Variants in SUMF1 observed in about 807,000 individuals in gnomAD.
SUMF1 encodes the protein formylglycine-generating enzyme.
A neutral mutation model predicts 47.6 loss-of-function variants in SUMF1; 48 were observed. The observed-to-expected ratio is 1.01, with a 90% CI of 0.80 to 1.28. SUMF1 has a LOEUF of 1.28. SUMF1 is among the 50% of genes most tolerant of loss of function. The pLI is 0.00. For synonymous variants in SUMF1, 230 were observed against 192.1 expected, an observed-to-expected ratio of 1.20 and a Z score of -1.63; for missense variants, 571 against 485.4, an observed-to-expected ratio of 1.18 and a Z score of -1.66.
chr3:4,212,254 T>C (rs1675670333), intron 8 of SUMF1, among the ~76,000 whole-genome samples: 1 of 152,094 alleles, frequency 6.6e-6, no homozygotes, highest in Non-Finnish European at 1.5e-5. Flanking sequence ...ATCTTTGCTG[T>C]TCTGCAGCCT....
At chr3:4,375,684 G>A (rs1379564214) in intron 8 of SUMF1, among the ~76,000 whole-genome samples, 1 of 152,086 alleles carries the variant, frequency 6.6e-6, no homozygotes, top group Non-Finnish European at 1.5e-5. Context: ...ATAGAAAGCT[G>A]GAGTTCAGGA....
At chr3:4,284,897 C>T (rs921480840) in intron 8 of SUMF1, among the ~76,000 whole-genome samples, 3 of 152,126 alleles carry the variant, frequency 2.0e-5, no homozygotes, top group African/African-American at 7.2e-5. Context: ...AATGTTACTT[C>T]CAATACAAAG....
rs557373859 is a variant in SUMF1 at position 4,181,487 on chromosome 3, T to C, written c.1015-112742A>G. Among the ~76,000 whole-genome samples the C allele has an allele frequency of 2.2e-4, 33 of 152,264 alleles. No homozygotes were observed. The Middle Eastern group carries it at 0.02, about 94-fold the overall frequency. On this transcript the variant is annotated intron_variant and NMD_transcript_variant, in intron 8 of 12. Coordinates refer to the SUMF1 transcript ENST00000448413. ...AAGAGGCTGGACAGAGAGAAAAGGA[T>C]GAAAGAAGATCTGAGCTCTAATCTT...
At chr3:4,408,413 G>A (rs1464922917) in intron 7 of SUMF1, among the ~76,000 whole-genome samples, 13 of 152,086 alleles carry the variant, frequency 8.5e-5, no homozygotes, top group Admixed American at 5.9e-4. Flanking sequence ...ACTATTTTCT[G>A]TACTATTCTG....
At chr3:4,385,036 C>G (rs1700628437) in intron 7 of SUMF1, among the ~76,000 whole-genome samples, 3 of 151,978 alleles carry the variant, frequency 2.0e-5, no homozygotes, top group Non-Finnish European at 4.4e-5. Context: ...CAGGCACGCA[C>G]CACCAGGCCC....
At chr3:4,299,948 C>A (rs1032815833) in intron 8 of SUMF1, among the ~76,000 whole-genome samples, 1 of 152,206 alleles carries the variant, frequency 6.6e-6, no homozygotes, top group Non-Finnish European at 1.5e-5. Flanking sequence ...GCCCCTAACT[C>A]TTACATTTTG....
intron 3 of SUMF1, among the ~76,000 whole-genome samples, chr3:4,435,032 A>T (rs1702351685): frequency 6.6e-6 from 1 of 152,158 alleles, no homozygotes; most frequent in African/African-American, 2.4e-5. Flanking sequence ...GGTTCAAGTG[A>T]TTCTTATGTC....
chr3:4,153,522 G>GTTT (rs66765266), intron 8 of SUMF1, among the ~76,000 whole-genome samples: 208 of 145,540 alleles, frequency 1.4e-3, no homozygotes, highest in South Asian at 0.011. Context: ...CGCCTTGTAG[G>GTTT]TTTTTTTTTT....
chr3:4,462,918 C>T (rs546081556), intron 1 of SUMF1, among the ~76,000 whole-genome samples: 3 of 152,290 alleles, frequency 2.0e-5, no homozygotes, highest in Non-Finnish European at 4.4e-5. Flanking sequence ...TCCTTTAAGC[C>T]TCAGTTGCCT....
chr3:4,329,904 T>A (rs2125127094), intron 8 of SUMF1, among the ~76,000 whole-genome samples: 1 of 152,304 alleles, frequency 6.6e-6, no homozygotes, highest in African/African-American at 2.4e-5. Flanking sequence ...AATACCCAAG[T>A]CACCTCTTGA....
rs959444704 is a variant in SUMF1 at position 4,156,335 on chromosome 3, C to A, written c.1015-87590G>T. ...GCCAACACTCCTGTACTCTTTCTAT[C>A]TCCTACCATGTTTCAACTTTGTAGA... On this transcript the variant is annotated intron_variant and NMD_transcript_variant, in intron 8 of 12. Transcript: ENST00000448413. Among the ~76,000 whole-genome samples the A allele has an allele frequency of 2.0e-5, 3 of 151,620 alleles. 1 individual carries two copies. The highest frequency in any genetic ancestry group is 7.3e-5 in the African/African-American group (3 of 40,930).
intron 7 of SUMF1, among the ~76,000 whole-genome samples, chr3:4,403,232 G>A (rs140927491): frequency 9.0e-4 from 137 of 152,278 alleles, no homozygotes; most frequent in African/African-American, 3.1e-3. Context: ...TCACACATCT[G>A]GGAAGCCACA....
chr3:4,460,874 C>G (rs2079797889), intron 1 of SUMF1, among the ~76,000 whole-genome samples: 1 of 151,838 alleles, frequency 6.6e-6, no homozygotes. Context: ...AGGCTAGTCT[C>G]CAACTTCTGA....
chr3:4,248,611 T>C (rs183353740), intron 8 of SUMF1, among the ~76,000 whole-genome samples: 4 of 152,296 alleles, frequency 2.6e-5, no homozygotes, highest in African/African-American at 9.6e-5. Context: ...ATTTCTGGAA[T>C]GGGAGAATTG....
At chr3:4,436,587 CAG>C (rs1383386606) in intron 3 of SUMF1, among the ~76,000 whole-genome samples, 1 of 143,354 alleles carries the variant, frequency 7.0e-6, no homozygotes, top group Non-Finnish European at 1.5e-5. Flanking sequence ...AAGAGTAGAG[CAG>C]AGTTGTTAAT....
chr3:4,149,785 G>A (rs1694277093), intron 8 of SUMF1, among the ~76,000 whole-genome samples: 1 of 152,126 alleles, frequency 6.6e-6, no homozygotes, highest in African/African-American at 2.4e-5. Context: ...CTGTGGACGT[G>A]TAGTCCTAGA....
At chr3:4,114,576 T>C (rs1229340301) in intron 8 of SUMF1, among the ~76,000 whole-genome samples, 1 of 151,878 alleles carries the variant, frequency 6.6e-6, no homozygotes. Flanking sequence ...GTACTTTAAG[T>C]GGCCAACATA....
chr3:4,057,412 A>G (rs2125025974), intron 9 of SUMF1, among the ~76,000 whole-genome samples: 1 of 152,184 alleles, frequency 6.6e-6, no homozygotes, highest in South Asian at 2.1e-4. Flanking sequence ...AAACCGCAAA[A>G]GGAATCTAAG....
chr3:4,147,126 C>T (rs533995693), intron 8 of SUMF1, among the ~76,000 whole-genome samples: 50 of 152,194 alleles, frequency 3.3e-4, no homozygotes, highest in Admixed American at 3.1e-3. Context: ...TACCATCTCA[C>T]ACCAGTTAGA....
Sources: gnomAD v4.1 joint callset for allele counts (sites outside exome capture counted in the v4.1 genomes callset) on GRCh38, gnomAD v4.1.1 for gene constraint, MANE v1.5 for transcripts, NCBI Gene and HGNC (gene_info 2026-07-23, HGNC 2026-07-21) for gene names.